The following TNNI3K variants were observed in gnomAD, a reference collection of about 807,000 sequenced individuals.
The protein encoded by TNNI3K is serine/threonine-protein kinase TNNI3K.
Under a neutral mutation model 114.5 loss-of-function variants are expected in TNNI3K, and 140 were observed. The ratio of observed to expected loss-of-function variants is 1.22; its 90% CI spans 1.07 to 1.41. The LOEUF is 1.41. Among genes scored for constraint, TNNI3K ranks in the 40% most tolerant of loss-of-function variants. The pLI is 0.00. For synonymous variants in TNNI3K, 347 were observed against 347.5 expected (o/e 1.00, Z 0.02); for missense variants, 1,125 against 1,007.6 (o/e 1.12, Z -1.58).
chr1:74,373,458 A>G (rs77070182), intron 17 of TNNI3K: 1 of 152,036 alleles, frequency 6.6e-6, no homozygotes, highest in African/African-American at 2.4e-5. Context: ...TTGCATTTGT[A>G]TTGACATGGT....
chr1:74,236,744 G>T (rs1016507431), intron 2 of TNNI3K, among the ~76,000 whole-genome samples: 2 of 151,758 alleles, frequency 1.3e-5, no homozygotes, highest in Non-Finnish European at 3.0e-5. Flanking sequence ...AGTAGATTTT[G>T]TTCCATGATA....
intron 4 of TNNI3K, among the ~76,000 whole-genome samples, chr1:74,270,958 A>G (rs553154991): frequency 5.3e-5 from 8 of 151,962 alleles, no homozygotes; most frequent in Non-Finnish European, 1.0e-4. Context: ...AGTAAGAATT[A>G]CTTTAATTGT....
chr1:74,441,194 T>G (rs1320708673), intron 20 of TNNI3K, among the ~76,000 whole-genome samples: 1 of 152,112 alleles, frequency 6.6e-6, no homozygotes, highest in African/African-American at 2.4e-5. Context: ...TCAAGATGTA[T>G]AACATTTCCA....
chr1:74,539,529 C>T (rs538209189), intron 23 of TNNI3K, among the ~76,000 whole-genome samples: 5 of 152,080 alleles, frequency 3.3e-5, no homozygotes, highest in Admixed American at 6.6e-5. Flanking sequence ...TTTACCAAAT[C>T]GGCAAAAGAG....
intron 23 of TNNI3K, among the ~76,000 whole-genome samples, chr1:74,539,323 G>T (rs1389833334): frequency 6.6e-6 from 1 of 152,166 alleles, no homozygotes; most frequent in Non-Finnish European, 1.5e-5. Context: ...GGTGCTGGGA[G>T]AATTAAGAGT....
At chr1:74,297,849 T>C (rs1342608119) in intron 5 of TNNI3K, among the ~76,000 whole-genome samples, 1 of 152,120 alleles carries the variant, frequency 6.6e-6, no homozygotes, top group Admixed American at 6.5e-5. Flanking sequence ...TACTCTATGG[T>C]TAAAACAATC....
At chr1:74,429,487 A>T (rs1275831167) in intron 17 of TNNI3K, among the ~76,000 whole-genome samples, 1 of 152,082 alleles carries the variant, frequency 6.6e-6, no homozygotes, top group African/African-American at 2.4e-5. Context: ...TATCCCATTG[A>T]GTTTGGCAGT....
intron 20 of TNNI3K, among the ~76,000 whole-genome samples, chr1:74,454,826 A>G (rs1381402374): frequency 6.6e-6 from 1 of 152,202 alleles, no homozygotes; most frequent in Non-Finnish European, 1.5e-5. Flanking sequence ...GTACAAATTA[A>G]CATTCCCACC....
At chr1:74,340,892 AGGC>A (rs2100439366) in intron 7 of TNNI3K, among the ~76,000 whole-genome samples, 1 of 152,290 alleles carries the variant, frequency 6.6e-6, no homozygotes, top group African/African-American at 2.4e-5. Flanking sequence ...TCTGAATGAA[AGGC>A]GTCTTTTTGA....
chr1:74,390,965 GAA>G (rs10672464), intron 17 of TNNI3K, among the ~76,000 whole-genome samples: 4 of 131,714 alleles, frequency 3.0e-5, no homozygotes, highest in African/African-American at 1.2e-4. Context: ...ATTTTTTTCC[GAA>G]AAAAAAAAAA....
intron 17 of TNNI3K, chr1:74,373,061 T>C (rs1004917236): frequency 4.7e-4 from 71 of 151,986 alleles, no homozygotes; most frequent in African/African-American, 1.5e-3. Flanking sequence ...CAGCAAAACA[T>C]TGTTTTTCAG....
In TNNI3K at chr1:74,271,660, C is replaced by T. The variant is rs201685831; in HGVS notation, c.396C>T (p.Tyr132=). The T allele has an allele frequency of 6.1e-5, 98 of 1,609,190 alleles. No homozygotes were observed. The highest frequency in any genetic ancestry group is 7.7e-5 in the Non-Finnish European group (91 of 1,177,144). The change falls in exon 5 of 25, where the codon TAC becomes TAT. Residue 132 remains tyrosine (Y), a synonymous_variant. Transcript: ENST00000326637. The part of the protein sequence containing the change: ...HSGADIQQVG[Y]GGLTALHIAT... ...GAGCTGATATACAGCAGGTTGGATACGGTGGCCTCACTGCCCTCCATATTG... is the reference window on the plus strand; with the variant it reads ...GAGCTGATATACAGCAGGTTGGATATGGTGGCCTCACTGCCCTCCATATTG...
At chr1:74,296,061 G>A (rs1449079726) in intron 5 of TNNI3K, among the ~76,000 whole-genome samples, 3 of 149,834 alleles carry the variant, frequency 2.0e-5, no homozygotes, top group East Asian at 4.0e-4. Flanking sequence ...GGATCACAAG[G>A]TCAGAAGATC....
chr1:74,396,358 C>T (rs1331453422), intron 17 of TNNI3K, among the ~76,000 whole-genome samples: 1 of 152,182 alleles, frequency 6.6e-6, no homozygotes, highest in East Asian at 1.9e-4. Context: ...TTAGAGAAGT[C>T]CCTGTGGGAC....
In TNNI3K at chr1:74,544,104, G is replaced by A. The variant is rs1646760182; in HGVS notation, c.*122G>A. ...TCAAAGGTCTCCTTAAATTGGGCTTGTTTTTACTTGTCCTATTTAATTCCC... is the reference window on the plus strand; with the variant it reads ...TCAAAGGTCTCCTTAAATTGGGCTTATTTTTACTTGTCCTATTTAATTCCC... On this transcript the variant is annotated 3_prime_UTR_variant, in exon 25 of 25. Coordinates refer to ENST00000326637, the MANE Select transcript of TNNI3K (RefSeq NM_015978.3). 4.8e-6 allele frequency: 5 copies of A among 1,043,428 alleles called. No individual in the cohort carries two copies. The highest frequency in any genetic ancestry group is 3.7e-5 in the South Asian group (2 of 54,520). 64.6% of individuals were successfully genotyped at this position (1,043,428 alleles called of 1,614,324 possible). A position where few individuals can be genotyped will look rare whatever the true frequency, so the allele number is the denominator to read the frequency against.
rs150768894 is a variant in TNNI3K at position 74,323,588 on chromosome 1, T to C, written c.445-7862T>C. On this transcript the variant is annotated intron_variant, in intron 5 of 24. Transcript: ENST00000326637. ...AGGGAAAAGATACAAAACAGGACTA[T>C]CAGTTGCCAAAGAAGGTAGATCCAG... Among the ~76,000 whole-genome samples the C allele has an allele frequency of 2.2e-3, 334 of 152,132 alleles. 1 individual carries two copies. Among genetic ancestry groups the C allele is most frequent in the African/African-American group, 7.3e-3 (302 of 41,504 alleles).
intron 20 of TNNI3K, among the ~76,000 whole-genome samples, chr1:74,460,356 C>T (rs1667406399): frequency 1.3e-5 from 2 of 152,056 alleles, no homozygotes; most frequent in Admixed American, 1.3e-4. Flanking sequence ...ACATTTTTAT[C>T]AGTGTAAAAA....
intron 23 of TNNI3K, among the ~76,000 whole-genome samples, chr1:74,522,493 A>C (rs948144863): frequency 1.3e-5 from 2 of 152,118 alleles, no homozygotes; most frequent in African/African-American, 4.8e-5. Context: ...TACGAGTTGC[A>C]TGACTAATTC....
chr1:74,250,251 G>A (rs536339464), intron 3 of TNNI3K, among the ~76,000 whole-genome samples: 30 of 152,188 alleles, frequency 2.0e-4, no homozygotes, highest in Admixed American at 1.6e-3. Flanking sequence ...AACTTCAAAC[G>A]TGCCTTCCCA....
Sources: allele counts gnomAD v4.1 joint callset (sites outside exome capture counted in the v4.1 genomes callset), GRCh38; gene constraint gnomAD v4.1.1; transcripts MANE v1.5; gene names NCBI Gene and HGNC (gene_info 2026-07-23, HGNC 2026-07-21).